The following RIMS1 variants were observed in gnomAD, a reference collection of about 807,000 sequenced individuals.
RIMS1 encodes regulating synaptic membrane exocytosis protein 1.
Under a neutral mutation model 214.1 loss-of-function variants are expected in RIMS1, and 83 were observed. The ratio of observed to expected loss-of-function variants is 0.39; its 90% CI spans 0.32 to 0.47. RIMS1 has a LOEUF of 0.47. RIMS1 is among the 20% of genes least tolerant of loss of function. The probability of loss-of-function intolerance (pLI) is 0.99; values close to 1 mark genes in which losing one functional copy is unlikely to be tolerated. For synonymous variants in RIMS1, 793 were observed against 786.8 expected, an observed-to-expected ratio of 1.01 and a Z score of -0.13; for missense variants, 2,050 against 2,161.8, an observed-to-expected ratio of 0.95 and a Z score of 1.03.
intron 1 of RIMS1, among the ~76,000 whole-genome samples, chr6:71,894,889 G>A (rs941904002): frequency 6.6e-6 from 1 of 152,118 alleles, no homozygotes; most frequent in Admixed American, 6.5e-5. Flanking sequence ...ATGAATGAAA[G>A]ATATTTTGTG....
At chr6:71,948,649 G>A (rs1028539387) in intron 1 of RIMS1, among the ~76,000 whole-genome samples, 7 of 152,186 alleles carry the variant, frequency 4.6e-5, no homozygotes, top group Admixed American at 1.3e-4. Context: ...CACATAATGA[G>A]TGTGAAAAAC....
rs538358603 is a variant in RIMS1 at position 71,974,368 on chromosome 6, A to G, written c.245+5305A>G. 1.3e-4 allele frequency among the ~76,000 whole-genome samples: 20 copies of G among 152,286 alleles called. No individual in the cohort carries two copies. In the South Asian group the frequency reaches 3.7e-3, roughly 28 times the overall value. On this transcript the variant is annotated intron_variant, in intron 2 of 33. Coordinates refer to ENST00000521978, the MANE Select transcript of RIMS1 (RefSeq NM_014989.7). Reference sequence around the variant, plus strand: ...GATCAGAGGCAGGAAGTGCTGCATCAGAAGAATAGGACAGTTATCTAATTT... The same window carrying G: ...GATCAGAGGCAGGAAGTGCTGCATCGGAAGAATAGGACAGTTATCTAATTT...
chr6:72,105,619 CACTT>C (rs1267008052), intron 4 of RIMS1, among the ~76,000 whole-genome samples: 3 of 152,046 alleles, frequency 2.0e-5, no homozygotes, highest in East Asian at 3.8e-4. Flanking sequence ...AGATAATAAA[CACTT>C]TCTTTTGCAA....
At chr6:72,257,378 A>G (rs1241939948) in intron 16 of RIMS1, among the ~76,000 whole-genome samples, 2 of 152,032 alleles carry the variant, frequency 1.3e-5, no homozygotes, top group African/African-American at 2.4e-5. Context: ...TGACTGTTAT[A>G]ATTTATTTTA....
At chr6:71,932,235 T>G (rs1386981575) in intron 1 of RIMS1, among the ~76,000 whole-genome samples, 3 of 152,116 alleles carry the variant, frequency 2.0e-5, no homozygotes, top group Admixed American at 1.3e-4. Context: ...TAAATGCCCA[T>G]CAGTGATAGA....
chr6:71,999,175 CT>C (rs1270962648), intron 2 of RIMS1, among the ~76,000 whole-genome samples: 4 of 151,912 alleles, frequency 2.6e-5, no homozygotes, highest in African/African-American at 9.7e-5. Flanking sequence ...TTTTATTTGT[CT>C]GTTATTCTTT....
chr6:72,073,036 T>A (rs4707959), intron 2 of RIMS1, among the ~76,000 whole-genome samples: 32,879 of 152,038 alleles, frequency 0.22, 4,257 homozygotes, highest in East Asian at 0.31. Context: ...GCAAAATCCA[T>A]AGAGAAATAC....
At chr6:72,036,880 A>G (rs1357201326) in intron 2 of RIMS1, among the ~76,000 whole-genome samples, 1 of 152,196 alleles carries the variant, frequency 6.6e-6, no homozygotes, top group African/African-American at 2.4e-5. Flanking sequence ...TTTTAATGCT[A>G]TAGTGGGAGG....
chr6:72,236,722 A>G (rs2064218682), intron 8 of RIMS1, among the ~76,000 whole-genome samples: 1 of 151,842 alleles, frequency 6.6e-6, no homozygotes, highest in Non-Finnish European at 1.5e-5. Flanking sequence ...CAACATTGGA[A>G]GAAGAAAAAT....
chr6:72,259,914 T>G (rs2077261894), intron 18 of RIMS1, among the ~76,000 whole-genome samples: 1 of 152,118 alleles, frequency 6.6e-6, no homozygotes, highest in Admixed American at 6.6e-5. Flanking sequence ...CTAAATAATT[T>G]TTCGCCATGG....
chr6:71,917,079 C>T (rs1778639441), intron 1 of RIMS1, among the ~76,000 whole-genome samples: 1 of 152,066 alleles, frequency 6.6e-6, no homozygotes, highest in African/African-American at 2.4e-5. Flanking sequence ...GATTTTTAAC[C>T]TCTCTGTGCT....
intron 23 of RIMS1, among the ~76,000 whole-genome samples, chr6:72,279,301 C>CTTTT (rs1297837692): frequency 6.6e-6 from 1 of 151,934 alleles, no homozygotes; most frequent in East Asian, 1.9e-4. Context: ...GAAAATGGAA[C>CTTTT]TTCAAAAGAA....
At chr6:72,178,232 G>A (rs2047972825) in intron 4 of RIMS1, among the ~76,000 whole-genome samples, 1 of 151,878 alleles carries the variant, frequency 6.6e-6, no homozygotes, top group African/African-American at 2.4e-5. Context: ...TTCTTTCCTG[G>A]AAAGCAGTTC....
intron 4 of RIMS1, among the ~76,000 whole-genome samples, chr6:72,120,322 C>T (rs1466342314): frequency 6.6e-6 from 1 of 151,774 alleles, no homozygotes; most frequent in Non-Finnish European, 1.5e-5. Flanking sequence ...CCTGTTGTTT[C>T]CTGACTTTTT....
Position 72,390,695 on chromosome 6 carries a change from G to T in RIMS1, c.4464G>T (p.Glu1488Asp). 6.2e-7 allele frequency: 1 copy of T among 1,613,960 alleles called. No individual in the cohort carries two copies. The change falls in exon 30 of 34, where the codon GAG becomes GAT. Residue 1488 changes from glutamate to aspartate, a missense_variant. Glu to Asp is a conservative substitution (Grantham distance 45). Transcript: ENST00000521978. ...AGATGGTAAGGCAGCCGAGCCGAGA[G>T]TCTACTGATGGCAGCATCAACAGTT... ...MRKMVRQPSR[E>D]STDGSINSYS...
At chr6:71,925,725 A>G (rs945967724) in intron 1 of RIMS1, among the ~76,000 whole-genome samples, 2 of 152,210 alleles carry the variant, frequency 1.3e-5, no homozygotes, top group African/African-American at 4.8e-5. Flanking sequence ...TTACTGCAGA[A>G]TCTAATTTGA....
chr6:71,921,762 T>C (rs924299559), intron 1 of RIMS1, among the ~76,000 whole-genome samples: 3 of 152,200 alleles, frequency 2.0e-5, no homozygotes, highest in Admixed American at 2.0e-4. Context: ...AGTAGTCATT[T>C]AATACAGATA....
At chr6:72,128,274 G>T (rs1258703716) in intron 4 of RIMS1, among the ~76,000 whole-genome samples, 1 of 152,134 alleles carries the variant, frequency 6.6e-6, no homozygotes, top group Non-Finnish European at 1.5e-5. Context: ...AAAGGACAGA[G>T]AAATTTTGAA....
chr6:72,338,209 A>G (rs1046764822), intron 29 of RIMS1, among the ~76,000 whole-genome samples: 4 of 151,804 alleles, frequency 2.6e-5, no homozygotes, highest in African/African-American at 9.7e-5. Flanking sequence ...TCCCACCAAC[A>G]GTGTAAAAGT....
Sources: allele counts gnomAD v4.1 joint callset (sites outside exome capture counted in the v4.1 genomes callset), GRCh38; gene constraint gnomAD v4.1.1; transcripts MANE v1.5; gene names NCBI Gene and HGNC (gene_info 2026-07-23, HGNC 2026-07-21).